Variants in WDR5 observed in about 807,000 individuals in gnomAD.
The protein encoded by WDR5 is WD repeat-containing protein 5.
For synonymous variants in WDR5, 144 were observed against 161.6 expected, an observed-to-expected ratio of 0.89 and a Z score of 0.83; for missense variants, 187 against 416.9, an observed-to-expected ratio of 0.45 and a Z score of 4.80.
At chr9:134,140,409 G>T (rs1436262876) in intron 2 of WDR5, among the ~76,000 whole-genome samples, 2 of 152,032 alleles carry the variant, frequency 1.3e-5, no homozygotes, top group South Asian at 4.1e-4. Context: ...GGATTGAGGT[G>T]GGGGGATGAG....
chr9:134,135,647 C>G (rs1441156552), upstream of WDR5: 1 of 152,098 alleles, frequency 6.6e-6, no homozygotes, highest in Non-Finnish European at 1.5e-5. Context: ...AGGTGCTTTC[C>G]AAATGCCCAC....
Position 134,156,622 on chromosome 9 carries a change from G to A in WDR5, c.904+29G>A, listed in dbSNP as rs376882827. ...AGGGCCTGCGCTCCTGCAGTCACTG[G>A]CTGCCTGTTGATGTGAGGACAGTTC... is the stretch of plus-strand genomic sequence containing the variant. On this transcript the variant is annotated intron_variant, in intron 13 of 13. Coordinates refer to ENST00000358625, the MANE Select transcript of WDR5 (RefSeq NM_017588.3). 6 of 1,605,208 alleles carry A rather than the reference G, an allele frequency of 3.7e-6. No homozygotes were observed. In the African/African-American group the frequency reaches 5.4e-5, roughly 14 times the overall value.
At position 134,151,970 on chromosome 9, in the gene WDR5, C is replaced by T. The variant is rs767181417; in HGVS notation, c.585-13C>T. 1.4e-5 allele frequency: 22 copies of T among 1,612,926 alleles called. No homozygotes were observed. Among genetic ancestry groups the T allele is most frequent in the Non-Finnish European group, 1.7e-5 (20 of 1,179,556 alleles). On this transcript the variant is annotated splice_polypyrimidine_tract_variant and intron_variant, in intron 8 of 13. Transcript: ENST00000358625. Reference sequence around the variant, plus strand: ...TTGTCTGCTTACGCTTTTTTGTTCTCTTTGCTTCGAAGTCGCATCTGGGAC... The same window carrying T: ...TTGTCTGCTTACGCTTTTTTGTTCTTTTTGCTTCGAAGTCGCATCTGGGAC...
chr9:134,159,116 GCTC>G lies in WDR5; in HGVS notation c.*1126_*1128del, dbSNP rs1485629394. 3 of 152,750 alleles carry G rather than the reference GCTC, an allele frequency of 2.0e-5. No homozygotes were observed. In the East Asian group the frequency reaches 5.8e-4, roughly 29 times the overall value. The allele number at this position is 152,750 out of a possible 1,614,324, so 9.5% of individuals were successfully genotyped here. Reference sequence around the variant, plus strand: ...CTCGCCTGCCTGCCCCTCTGCCTGTGCTCCTGGCAGTGTGGCTTCCCGGTGCTC... The same window carrying G: ...CTCGCCTGCCTGCCCCTCTGCCTGTGCTGGCAGTGTGGCTTCCCGGTGCTC... On this transcript the variant is annotated 3_prime_UTR_variant, in exon 14 of 14. Coordinates refer to ENST00000358625, the MANE Select transcript of WDR5 (RefSeq NM_017588.3). This position sits in a 1 kb window ranked among gnomAD's most constrained non-coding sequence, Gnocchi z 4.3.
In WDR5 at chr9:134,137,551, G is replaced by A. The variant is rs1831629082; in HGVS notation, c.-59+1351G>A. Among the ~76,000 whole-genome samples the A allele has an allele frequency of 2.0e-5, 3 of 151,860 alleles. No homozygotes were observed. The South Asian group carries it at 6.2e-4, about 32-fold the overall frequency. ...TACAAAAGATTGGCCGGGCGTAGTG[G>A]TACGCGCCTGTAATCCCGGCTAAAC... On this transcript the variant is annotated intron_variant, in intron 1 of 13. Transcript: ENST00000358625.
At position 134,157,132 on chromosome 9, in the gene WDR5, C is replaced by T. The variant is rs1056445446; in HGVS notation, c.904+539C>T. ...CTCACCCTCTGGCCCTGCATTTCCA[C>T]GTCTCATGGAGCCAACGAGAGCAGG... is the stretch of plus-strand genomic sequence containing the variant. On this transcript the variant is annotated intron_variant, in intron 13 of 13. Transcript: ENST00000358625. This position sits in a 1 kb window ranked among gnomAD's most constrained non-coding sequence, Gnocchi z 5.0. 3.3e-5 allele frequency among the ~76,000 whole-genome samples: 5 copies of T among 152,170 alleles called. No homozygotes were observed. The highest frequency in any genetic ancestry group is 7.2e-5 in the African/African-American group (3 of 41,430).
upstream of WDR5, chr9:134,136,053 C>T (rs1013376684): frequency 6.0e-5 from 9 of 149,838 alleles, no homozygotes; most frequent in Admixed American, 2.6e-4. Flanking sequence ...CCCCGGACAC[C>T]GCCCCCTCCC....
intron 3 of WDR5, 102 bp downstream of exon 3, chr9:134,140,913 A>AC: frequency 1.8e-6 from 2 of 1,131,010 alleles, no homozygotes; most frequent in Non-Finnish European, 2.7e-6. Flanking sequence ...CGCTGGGGAG[A>AC]CGTAGCAGGC....
chr9:134,155,299 G>C, intron 10 of WDR5, 41 bp from the exon 11 acceptor site: 1 of 1,540,890 alleles, frequency 6.5e-7, no homozygotes, highest in Non-Finnish European at 8.7e-7. Context: ...ACAGAAGGAT[G>C]CCTCCAGACA....
intron 7 of WDR5, among the ~76,000 whole-genome samples, chr9:134,147,295 G>A (rs1832257233): frequency 6.6e-6 from 1 of 152,168 alleles, no homozygotes; most frequent in Non-Finnish European, 1.5e-5. Flanking sequence ...GGACCTGTTC[G>A]AAATTTATGT....
chr9:134,148,472 C>G, intron 8 of WDR5, 129 bp downstream of exon 8: 1 of 763,088 alleles, frequency 1.3e-6, no homozygotes, highest in Non-Finnish European at 2.1e-6. Flanking sequence ...AGCTTCTCTT[C>G]TGGCCACGCT....
At chr9:134,138,209 G>C (rs931247588) in intron 1 of WDR5, among the ~76,000 whole-genome samples, 2 of 152,166 alleles carry the variant, frequency 1.3e-5, no homozygotes, top group Non-Finnish European at 2.9e-5. Flanking sequence ...GTTTCCAGGC[G>C]TCTAGACTCA....
At chr9:134,140,833 A>G in intron 3 of WDR5, 22 bp downstream of exon 3, 1 of 1,603,512 alleles carries the variant, frequency 6.2e-7, no homozygotes, top group Non-Finnish European at 8.5e-7. Flanking sequence ...TGAGGCCCTT[A>G]GCTGCTGGGA....
intron 7 of WDR5, among the ~76,000 whole-genome samples, chr9:134,145,042 T>A (rs1372651295): frequency 1.3e-5 from 2 of 148,968 alleles, no homozygotes; most frequent in African/African-American, 4.9e-5. Context: ...CTGTCTCCAC[T>A]CCACAGCTGC....
At chr9:134,140,428 A>AG (rs1251199207) in intron 2 of WDR5, among the ~76,000 whole-genome samples, 1 of 149,728 alleles carries the variant, frequency 6.7e-6, no homozygotes, top group African/African-American at 2.5e-5. Flanking sequence ...AGGTGGATTG[A>AG]GGGGGGCCTC....
Position 134,154,497 on chromosome 9 carries a change from G to A in WDR5, c.663G>A (p.Lys221=). The change falls in exon 10 of 14, where the codon AAG becomes AAA. Residue 221 remains lysine, a synonymous_variant. Coordinates refer to ENST00000358625, the MANE Select transcript of WDR5 (RefSeq NM_017588.3). ...DDDNPPVSFV[K]FSPNGKYILA... ...ACAACCCCCCCGTGTCTTTTGTGAA[G>A]TTCTCCCCGAACGGCAAATACATCC... 6.2e-7 allele frequency: 1 copy of A among 1,614,208 alleles called. No individual in the cohort carries two copies. Among genetic ancestry groups the A allele is most frequent in the Non-Finnish European group, 8.5e-7 (1 of 1,180,020 alleles).
intron 7 of WDR5, among the ~76,000 whole-genome samples, chr9:134,145,687 C>G (rs939718251): frequency 6.6e-6 from 1 of 152,238 alleles, no homozygotes. Flanking sequence ...CCTCCCATCC[C>G]TGTCCCCTCT....
At position 134,142,987 on chromosome 9, in the gene WDR5, G is replaced by T. The variant is rs562527932; in HGVS notation, c.528+268G>T. On this transcript the variant is annotated intron_variant, in intron 7 of 13. Transcript: ENST00000358625. ...CCAAGGGGCCGTTTGTGCAGACTTGGGGGCAGTGGCCACAGGCGTTCAGGA... is the reference window on the plus strand; with the variant it reads ...CCAAGGGGCCGTTTGTGCAGACTTGTGGGCAGTGGCCACAGGCGTTCAGGA... Among the ~76,000 whole-genome samples, 3 of 152,308 alleles carry T rather than the reference G, an allele frequency of 2.0e-5. No homozygotes were observed. In the South Asian group the frequency reaches 6.2e-4, roughly 32 times the overall value.
At chr9:134,155,566 G>A (rs1832710178) in intron 11 of WDR5, 127 bp from the exon 12 acceptor site, 1 of 1,263,046 alleles carries the variant, frequency 7.9e-7, no homozygotes, top group East Asian at 2.4e-5. Flanking sequence ...TCGATTGTGT[G>A]GGTTTGGTAC....
Sources: gnomAD v4.1 joint callset for allele counts (sites outside exome capture counted in the v4.1 genomes callset) on GRCh38, gnomAD v4.1.1 for gene constraint, Gnocchi (gnomAD v3.1) non-coding constraint, MANE v1.5 for transcripts, NCBI Gene and HGNC (gene_info 2026-07-23, HGNC 2026-07-21) for gene names.